LRRC59: variants seen among roughly 807,000 people sequenced by gnomAD.
LRRC59 encodes leucine-rich repeat-containing protein 59.
LRRC59 carries 18 observed loss-of-function variants against 33.5 expected under a neutral mutation model. The observed-to-expected ratio is 0.54, with a 90% CI of 0.37 to 0.80. The LOEUF (loss-of-function observed/expected upper bound fraction) is 0.80. LRRC59 is among the 30% of genes least tolerant of loss of function. LRRC59 has a pLI of 0.00. For synonymous variants in LRRC59, 138 were observed against 160.0 expected, an observed-to-expected ratio of 0.86 and a Z score of 1.04; for missense variants, 330 against 391.9, an observed-to-expected ratio of 0.84 and a Z score of 1.33.
In LRRC59 at chr17:50,382,171, G is replaced by A. The variant is rs944824332; in HGVS notation, c.*817C>T. 3 of 152,648 alleles carry A rather than the reference G, an allele frequency of 2.0e-5. No individual in the cohort carries two copies. The highest frequency in any genetic ancestry group is 3.4e-3 in the Middle Eastern group (1 of 294). The allele number at this position is 152,648 out of a possible 1,614,324, so 9.5% of individuals were successfully genotyped here. On this transcript the variant is annotated 3_prime_UTR_variant, in exon 7 of 7. Coordinates refer to ENST00000225972, the MANE Select transcript of LRRC59 (RefSeq NM_018509.4). ...GGGCAGGACTCCACAGGAGCTGCCCGTGACCTGATGATAGCAAGAGATTTC... is the reference window on the plus strand; with the variant it reads ...GGGCAGGACTCCACAGGAGCTGCCCATGACCTGATGATAGCAAGAGATTTC...
At chr17:50,397,054 T>C in intron 1 of LRRC59, 159 bp downstream of exon 1, 3 of 489,626 alleles carry the variant, frequency 6.1e-6, no homozygotes, top group Non-Finnish European at 1.1e-5. Context: ...GGAAGAACCT[T>C]GGGCTGGACG....
At chr17:50,386,506 G>T (rs1304690653) in intron 5 of LRRC59, among the ~76,000 whole-genome samples, 2 of 152,200 alleles carry the variant, frequency 1.3e-5, no homozygotes, top group East Asian at 3.8e-4. Flanking sequence ...CCATAATGTA[G>T]CTGAATAGTA....
At chr17:50,396,934 G>GC (rs1378782790) in intron 1 of LRRC59, 1 of 399,656 alleles carries the variant, frequency 2.5e-6, no homozygotes, top group African/African-American at 2.1e-5. Context: ...CGCTGTGAAA[G>GC]CCCCGCAAAG....
chr17:50,390,491 CAAAAAAAAAAAAATTA>C (rs1252901603), intron 4 of LRRC59, among the ~76,000 whole-genome samples: 2 of 135,962 alleles, frequency 1.5e-5, no homozygotes, highest in Non-Finnish European at 3.2e-5. Flanking sequence ...GACCCCATGT[CAAAAAAAAAAAAATTA>C]ATTATCTGAA....
In LRRC59 at chr17:50,388,124, C is replaced by T. The variant is rs780496075; in HGVS notation, c.438G>A (p.Gln146=). 18 of 1,614,070 alleles carry T rather than the reference C, an allele frequency of 1.1e-5. No individual in the cohort carries two copies. Among genetic ancestry groups the T allele is most frequent in the Admixed American group, 8.3e-5 (5 of 60,004 alleles). ...GATCTGCCTGCACGGCCTTCATGTG[C>T]TGTAACACCTGCAAAGGAAAAGGAG... ...QCKQCANKVL[Q]HMKAVQADQE... The change falls in exon 5 of 7, where the codon CAG becomes CAA. Residue 146 remains glutamine (Q), a synonymous_variant. Transcript: ENST00000225972.
In LRRC59 at chr17:50,388,229, G is replaced by A; in HGVS notation, c.430-97C>T. The A allele has an allele frequency of 2.7e-6, 3 of 1,129,844 alleles. 1 individual carries two copies. The South Asian group carries it at 3.7e-5, about 14-fold the overall frequency. The allele number at this position is 1,129,844 out of a possible 1,614,324, so 70.0% of individuals were successfully genotyped here. ...TATTTTCAGGCTTCCAGATTATCAT[G>A]GTAGCAATGTAGAACTAATAAGAGT... On this transcript the variant is annotated intron_variant, in intron 4 of 6. Coordinates refer to ENST00000225972, the MANE Select transcript of LRRC59 (RefSeq NM_018509.4).
intron 4 of LRRC59, among the ~76,000 whole-genome samples, chr17:50,390,663 C>A (rs150556695): frequency 6.6e-6 from 1 of 152,226 alleles, no homozygotes; most frequent in East Asian, 1.9e-4. Flanking sequence ...TTAAAAATTG[C>A]TTTAATATGT....
Position 50,383,159 on chromosome 17 carries a change from C to T in LRRC59, c.753G>A (p.Leu251=), listed in dbSNP as rs1165952582. ...HTRSWAVLKL[L]LLLLLFGVAG... ...CCACACCAAATAGCAGCAGCAGCAGCAGCAGCTTCAGCACAGCCCAGGAAC... is the reference window on the plus strand; with the variant it reads ...CCACACCAAATAGCAGCAGCAGCAGTAGCAGCTTCAGCACAGCCCAGGAAC... Residue 251 remains leucine (L), a synonymous_variant, in exon 7 of 7, where the codon CTG becomes CTA. Transcript: ENST00000225972. 4 of 1,573,712 alleles carry T rather than the reference C, an allele frequency of 2.5e-6. No individual in the cohort carries two copies. In the African/African-American group the frequency reaches 4.0e-5, roughly 16 times the overall value.
intron 6 of LRRC59, 79 bp from the exon 7 acceptor site, chr17:50,383,314 C>G: frequency 6.8e-7 from 1 of 1,468,514 alleles, no homozygotes; most frequent in Non-Finnish European, 9.1e-7. Context: ...TAGTCTCCTC[C>G]GTGCAGATCT....
At chr17:50,385,352 C>T in intron 5 of LRRC59, 61 bp from the exon 6 acceptor site, 2 of 1,549,994 alleles carry the variant, frequency 1.3e-6, no homozygotes, top group Non-Finnish European at 8.8e-7. Flanking sequence ...AGTTTGCTTT[C>T]CCAAGTGATT....
chr17:50,387,254 A>G (rs769123560), intron 5 of LRRC59, among the ~76,000 whole-genome samples: 1 of 152,366 alleles, frequency 6.6e-6, no homozygotes, highest in Middle Eastern at 3.4e-3. Flanking sequence ...TTATGAAGCC[A>G]GCACTTAAAG....
chr17:50,396,623 C>T (rs1914279645), intron 1 of LRRC59: 2 of 152,542 alleles, frequency 1.3e-5, no homozygotes, highest in Admixed American at 1.3e-4. Flanking sequence ...GAGCTGTAAG[C>T]TTCAGTTTAC....
rs1410196468 is a variant in LRRC59, at chr17:50,383,071, T to A, written c.841A>T (p.Asn281Tyr). ...TGGACCGCATTGTCATAGATGGTGT[T>A]CACGCTGGTGCAGAGGGGCTGCTGC... ...LQQQPLCTSV[N>Y]TIYDNAVQGL... The change falls in exon 7 of 7, where the codon AAC becomes TAC. Residue 281 changes from asparagine (N) to tyrosine (Y), a missense_variant. Transcript: ENST00000225972. The A allele has an allele frequency of 6.2e-7, 1 of 1,612,100 alleles. No individual in the cohort carries two copies. Among genetic ancestry groups the A allele is most frequent in the Non-Finnish European group, 8.5e-7 (1 of 1,179,850 alleles).
At position 50,397,218 on chromosome 17, in the gene LRRC59, C is replaced by T; in HGVS notation, c.100G>A (p.Glu34Lys). The change falls in exon 1 of 7, where the codon GAG becomes AAG. Residue 34 changes from glutamate to lysine, a missense_variant. Glu to Lys is a moderately conservative substitution (Grantham distance 56, BLOSUM62 1). Coordinates refer to ENST00000225972, the MANE Select transcript of LRRC59 (RefSeq NM_018509.4). Reference protein sequence around the residue: ...LSDLNEVPVKELAALPKATIL... With the variant: ...LSDLNEVPVKKLAALPKATIL... ...CCTCGCGGGACGATACTGACCAGCT[C>T]CTTCACCGGGACCTCATTCAGGTCG... 6.3e-7 allele frequency: 1 copy of T among 1,598,948 alleles called. No individual in the cohort carries two copies. Among genetic ancestry groups the T allele is most frequent in the South Asian group, 1.1e-5 (1 of 89,202 alleles).
At chr17:50,388,324 A>T (rs892986619) in intron 4 of LRRC59, among the ~76,000 whole-genome samples, 192 bp from the exon 5 acceptor site, 1 of 152,192 alleles carries the variant, frequency 6.6e-6, no homozygotes, top group African/African-American at 2.4e-5. Flanking sequence ...GGACTGCTTG[A>T]GCCCAGGAGT....
intron 6 of LRRC59, 112 bp downstream of exon 6, chr17:50,385,006 A>C: frequency 8.1e-7 from 1 of 1,233,136 alleles, no homozygotes; most frequent in African/African-American, 1.5e-5. Context: ...CAAGCTTTAG[A>C]GTGTACTTTA....
At chr17:50,387,984 C>T in intron 5 of LRRC59, 76 bp downstream of exon 5, 1 of 1,451,998 alleles carries the variant, frequency 6.9e-7, no homozygotes, top group Non-Finnish European at 9.7e-7. Context: ...CTACTGGATC[C>T]CAGCTCCTGA....
At chr17:50,393,413 AG>A (rs3834593) in intron 2 of LRRC59, among the ~76,000 whole-genome samples, 53,638 of 151,988 alleles carry the variant, frequency 0.35, 10,218 homozygotes, top group Non-Finnish European at 0.42. Flanking sequence ...CACCATTCAT[AG>A]GATCTGTCAA....
intron 4 of LRRC59, among the ~76,000 whole-genome samples, chr17:50,392,195 T>C (rs1014472186): frequency 6.6e-6 from 1 of 152,004 alleles, no homozygotes; most frequent in East Asian, 1.9e-4. Flanking sequence ...AGCAACTCTG[T>C]CTCAAAACAA....
Sources: gnomAD v4.1 joint callset for allele counts (sites outside exome capture counted in the v4.1 genomes callset) on GRCh38, gnomAD v4.1.1 for gene constraint, MANE v1.5 for transcripts, NCBI Gene and HGNC (gene_info 2026-07-23, HGNC 2026-07-21) for gene names.